Variants in THSD7A observed in about 807,000 individuals in gnomAD.
THSD7A encodes thrombospondin type 1 domain containing 7A.
In THSD7A, 96 loss-of-function variants were observed where a neutral mutation model predicts 231.3. The observed-to-expected ratio is 0.41, with a 90% confidence interval of 0.35 to 0.49. The LOEUF is 0.49. Among genes scored for constraint, THSD7A ranks in the 20% least tolerant of loss-of-function variants. The pLI is 0.05. For synonymous variants in THSD7A, 940 were observed against 743.3 expected (o/e 1.26, Z -4.30); for missense variants, 2,290 against 2,070.2 (o/e 1.11, Z -2.06).
At chr7:11,570,921 T>C (rs1249746996) in intron 4 of THSD7A, among the ~76,000 whole-genome samples, 1 of 152,204 alleles carries the variant, frequency 6.6e-6, no homozygotes, top group Non-Finnish European at 1.5e-5. Flanking sequence ...TGGTATCATA[T>C]GTATTCCATT....
At chr7:11,820,375 T>C in intron 1 of THSD7A, 1 of 1,262,590 alleles carries the variant, frequency 7.9e-7, no homozygotes, top group Non-Finnish European at 1.1e-6. Flanking sequence ...CCCACTCTTG[T>C]CGTCTTCAAT....
At chr7:11,787,320 C>T (rs1033847433) in intron 1 of THSD7A, among the ~76,000 whole-genome samples, 2 of 151,898 alleles carry the variant, frequency 1.3e-5, no homozygotes, top group African/African-American at 4.8e-5. Context: ...TAGAAAATAA[C>T]ATGGGAGAAA....
At chr7:11,596,852 C>T (rs747473983) in intron 2 of THSD7A, among the ~76,000 whole-genome samples, 2 of 152,370 alleles carry the variant, frequency 1.3e-5, no homozygotes, top group East Asian at 1.9e-4. Context: ...ACCTGGTATG[C>T]AGCCATTGAC....
At chr7:11,683,069 C>T (rs569495706) in intron 1 of THSD7A, among the ~76,000 whole-genome samples, 46 of 148,668 alleles carry the variant, frequency 3.1e-4, no homozygotes, top group Non-Finnish European at 6.2e-4. Context: ...TGCAGTGAGC[C>T]GAGATCATGC....
chr7:11,514,082 T>C (rs972846832), intron 6 of THSD7A, among the ~76,000 whole-genome samples: 5 of 152,120 alleles, frequency 3.3e-5, no homozygotes, highest in African/African-American at 1.2e-4. Flanking sequence ...TCCCCACAGT[T>C]GCCTTTAAGA....
intron 4 of THSD7A, among the ~76,000 whole-genome samples, chr7:11,579,676 G>T (rs935927404): frequency 2.0e-5 from 3 of 152,120 alleles, no homozygotes; most frequent in African/African-American, 7.2e-5. Context: ...GCAAAGTATT[G>T]TGAGTTTCTA....
chr7:11,484,614 A>T (rs1346981682), intron 6 of THSD7A, among the ~76,000 whole-genome samples: 1 of 152,162 alleles, frequency 6.6e-6, no homozygotes, highest in Admixed American at 6.5e-5. Flanking sequence ...TTGCTACTTC[A>T]TACTTAGAAC....
At chr7:11,418,234 T>C (rs1784026167) in intron 16 of THSD7A, among the ~76,000 whole-genome samples, 1 of 152,218 alleles carries the variant, frequency 6.6e-6, no homozygotes, top group Non-Finnish European at 1.5e-5. Context: ...ACAATTATAA[T>C]TGGTATCGCA....
At chr7:11,416,126 A>ATTCCT (rs1783951446) in intron 17 of THSD7A, among the ~76,000 whole-genome samples, 1 of 152,150 alleles carries the variant, frequency 6.6e-6, no homozygotes, top group Non-Finnish European at 1.5e-5. Context: ...TTCCTATCCA[A>ATTCCT]ACATTCCTAT....
chr7:11,589,950 A>T (rs539560476), intron 4 of THSD7A, among the ~76,000 whole-genome samples: 4 of 152,340 alleles, frequency 2.6e-5, no homozygotes, highest in African/African-American at 9.6e-5. Flanking sequence ...GTTTTAAAAA[A>T]TGCCTTTGGG....
intron 1 of THSD7A, among the ~76,000 whole-genome samples, chr7:11,675,355 C>A (rs1014664752): frequency 1.3e-5 from 2 of 152,104 alleles, no homozygotes; most frequent in East Asian, 1.9e-4. Context: ...TGGGCAGACA[C>A]TGAGCTAGTT....
intron 1 of THSD7A, among the ~76,000 whole-genome samples, chr7:11,717,243 G>A (rs535736597): frequency 6.6e-6 from 1 of 151,800 alleles, no homozygotes; most frequent in Admixed American, 6.6e-5. Flanking sequence ...GTGAAAGACG[G>A]CCTCCTCGCA....
chr7:11,567,115 T>C (rs1048540444), intron 4 of THSD7A, among the ~76,000 whole-genome samples: 1 of 152,112 alleles, frequency 6.6e-6, no homozygotes, highest in Non-Finnish European at 1.5e-5. Context: ...ATCCCATGTA[T>C]TATTCCTTTT....
At chr7:11,422,089 G>T (rs1306363858) in intron 16 of THSD7A, among the ~76,000 whole-genome samples, 1 of 151,982 alleles carries the variant, frequency 6.6e-6, no homozygotes, top group African/African-American at 2.4e-5. Context: ...GTAGACAAAG[G>T]GTTGAGTCAG....
At chr7:11,686,219 AAACT>A (rs923195872) in intron 1 of THSD7A, among the ~76,000 whole-genome samples, 26 of 151,954 alleles carry the variant, frequency 1.7e-4, no homozygotes, top group Admixed American at 5.9e-4. Context: ...AAGGGCTGAA[AAACT>A]AACTGTTAGG....
rs17164966 is a variant in THSD7A at position 11,637,250 on chromosome 7, T to C, written c.191-289A>G. ...GTTCATTTCCTTTGTTTTAGGTAGTTAGAAATCCTTGCTGATAAAGGACAT... is the reference window on the plus strand; with the variant it reads ...GTTCATTTCCTTTGTTTTAGGTAGTCAGAAATCCTTGCTGATAAAGGACAT... On this transcript the variant is annotated intron_variant, in intron 1 of 27. Transcript: ENST00000423059. The surrounding 1 kb of genome is among the most constrained non-coding windows in gnomAD (Gnocchi z 4.2). 0.03 allele frequency among the ~76,000 whole-genome samples: 4,530 copies of C among 152,308 alleles called. 77 individuals are homozygous for C. The highest frequency in any genetic ancestry group is 0.049 in the Non-Finnish European group (3,365 of 68,028).
intron 6 of THSD7A, 51 bp downstream of exon 6, chr7:11,541,368 T>C (rs1789138565): frequency 2.6e-6 from 4 of 1,551,656 alleles, no homozygotes; most frequent in Non-Finnish European, 3.6e-6. Context: ...AGTAAAAACA[T>C]ATATGCAGGG....
At chr7:11,388,342 T>A (rs935745389) in intron 23 of THSD7A, among the ~76,000 whole-genome samples, 3 of 152,158 alleles carry the variant, frequency 2.0e-5, no homozygotes, top group African/African-American at 4.8e-5. Context: ...TTGTGGTTGG[T>A]AGGCTATTAA....
At chr7:11,577,387 G>T (rs1301727585) in intron 4 of THSD7A, among the ~76,000 whole-genome samples, 5 of 152,030 alleles carry the variant, frequency 3.3e-5, no homozygotes, top group Admixed American at 6.6e-5. Flanking sequence ...TGTGATCTTG[G>T]CTCATTGCAA....
Sources: gnomAD v4.1 joint callset for allele counts (sites outside exome capture counted in the v4.1 genomes callset) on GRCh38, gnomAD v4.1.1 for gene constraint, Gnocchi (gnomAD v3.1) non-coding constraint, MANE v1.5 for transcripts, NCBI Gene and HGNC (gene_info 2026-07-23, HGNC 2026-07-21) for gene names.